ZNF285: variants seen among roughly 807,000 people sequenced by gnomAD.
ZNF285 encodes zinc finger protein 285A.
Under a neutral mutation model 6.2 loss-of-function variants are expected in ZNF285, and 4 were observed. The observed-to-expected ratio is 0.65, with a 90% CI of 0.32 to 1.49. The LOEUF is 1.49. Ranked by LOEUF, ZNF285 falls within the 40% of genes most tolerant of loss-of-function variation. The probability of loss-of-function intolerance (pLI) is 0.07; values close to 1 mark genes in which losing one functional copy is unlikely to be tolerated. For missense variants in ZNF285, 695 were observed against 708.8 expected (o/e 0.98, Z 0.22); for synonymous variants, 240 against 245.8 (o/e 0.98, Z 0.22).
chr19:44,399,942 C>T (rs1168614020), intron 1 of ZNF285, among the ~76,000 whole-genome samples: 6 of 151,458 alleles, frequency 4.0e-5, no homozygotes, highest in Non-Finnish European at 1.5e-5. Flanking sequence ...AAACTATGAC[C>T]TGTTGTTTAG....
rs951767118 is a variant in ZNF285, at chr19:44,387,532, C to G, written c.713G>C (p.Gly238Ala). The change falls in exon 4 of 4, where the codon GGG becomes GCG. Residue 238 changes from glycine to alanine, a missense_variant. Physicochemically the swap from Gly to Ala is moderately conservative, Grantham distance 60. Coordinates refer to ENST00000614994, the MANE Select transcript of ZNF285 (RefSeq NM_152354.6). The stretch of plus-strand genomic sequence containing the variant: ...ATCTGTATCATCTGCAAAGGCCACC[C>G]CACAGTTATTACATGGGAAAGGCTG... The part of the protein sequence containing the change: ...LPQPFPCNNC[G>A]VAFADDTDPH... 1.2e-6 allele frequency: 2 copies of G among 1,613,812 alleles called. No individual in the cohort carries two copies. Among genetic ancestry groups the G allele is most frequent in the African/African-American group, 2.7e-5 (2 of 74,896 alleles).
intron 2 of ZNF285, among the ~76,000 whole-genome samples, chr19:44,393,798 T>C (rs1396009537): frequency 1.3e-5 from 2 of 152,112 alleles, no homozygotes; most frequent in Non-Finnish European, 2.9e-5. Flanking sequence ...AGGGACACTT[T>C]TACACTGCTG....
chr19:44,388,395 T>C (rs1466516422), intron 3 of ZNF285, among the ~76,000 whole-genome samples: 1 of 148,554 alleles, frequency 6.7e-6, no homozygotes, highest in African/African-American at 2.6e-5. Context: ...GGCTGGGCAA[T>C]ATAATGAGAT....
Position 44,386,872 on chromosome 19 carries a change from C to A in ZNF285, c.1373G>T (p.Cys458Phe). ...CGCAAAATCCTTTCCACACACATTG[C>A]ATTTGTATGGTTTCTCCCCTGTGTG... ...RVHTGEKPYK[C>F]NVCGKDFAYS... Residue 458 changes from cysteine (C) to phenylalanine (F), a missense_variant, in exon 4 of 4, where the codon TGC (cysteine) becomes TTC (phenylalanine). Cys to Phe is a radical substitution (Grantham distance 205). Transcript: ENST00000614994. 6.2e-7 allele frequency: 1 copy of A among 1,614,216 alleles called. No homozygotes were observed. Among genetic ancestry groups the A allele is most frequent in the Non-Finnish European group, 8.5e-7 (1 of 1,180,050 alleles).
At chr19:44,390,562 C>A (rs2123271419) in intron 3 of ZNF285, among the ~76,000 whole-genome samples, 1 of 152,206 alleles carries the variant, frequency 6.6e-6, no homozygotes, top group African/African-American at 2.4e-5. Flanking sequence ...TGGCTTGTCT[C>A]CGATGAGACA....
chr19:44,393,948 T>G (rs1382078599), intron 2 of ZNF285, among the ~76,000 whole-genome samples: 2 of 151,944 alleles, frequency 1.3e-5, no homozygotes, highest in East Asian at 1.9e-4. Context: ...CTGCTATAAA[T>G]ACACATGCAC....
Position 44,399,018 on chromosome 19 carries a change from A to G in ZNF285, c.-43-1762T>C, listed in dbSNP as rs538599509. Among the ~76,000 whole-genome samples, 5 of 152,240 alleles carry G rather than the reference A, an allele frequency of 3.3e-5. No homozygotes were observed. The South Asian group carries it at 6.2e-4, about 19-fold the overall frequency. ...TTAGAAGGTATGCAAATTAAAGCCC[A>G]ATTGTTATTATTATGTTAATCAATA... is the stretch of plus-strand genomic sequence containing the variant. On this transcript the variant is annotated intron_variant, in intron 1 of 3. Coordinates refer to ENST00000614994, the MANE Select transcript of ZNF285 (RefSeq NM_152354.6).
intron 1 of ZNF285, among the ~76,000 whole-genome samples, chr19:44,399,323 T>C (rs1173523758): frequency 8.4e-5 from 12 of 142,914 alleles, no homozygotes; most frequent in Non-Finnish European, 1.8e-4. Flanking sequence ...AATTACATCG[T>C]TTTACAATAG....
chr19:44,392,653 T>C, intron 2 of ZNF285, 187 bp from the exon 3 acceptor site: 1 of 1,156,850 alleles, frequency 8.6e-7, no homozygotes, highest in Non-Finnish European at 1.2e-6. Flanking sequence ...AGGTTTCTTC[T>C]CTTGGCTTGC....
At chr19:44,391,990 C>T (rs542059781) in intron 3 of ZNF285, among the ~76,000 whole-genome samples, 1 of 152,160 alleles carries the variant, frequency 6.6e-6, no homozygotes, top group African/African-American at 2.4e-5. Context: ...CCAGAAGCAA[C>T]CAATAGATCA....
rs79240579 is a variant in ZNF285 at position 44,387,923 on chromosome 19, T to A, written c.322A>T (p.Ser108Cys). ...AGAGAAATGCCTGCCCACTCTTCACTGAGGGAAACATCTTCTAAATGTGGG... is the reference window on the plus strand; with the variant it reads ...AGAGAAATGCCTGCCCACTCTTCACAGAGGGAAACATCTTCTAAATGTGGG... ...CSPHLEDVSL[S>C]EEWAGISLQI... The change falls in exon 4 of 4, where the codon AGT becomes TGT. Residue 108 changes from serine to cysteine, a missense_variant. Transcript: ENST00000614994. 6.2e-7 allele frequency: 1 copy of A among 1,614,106 alleles called. No individual in the cohort carries two copies. Among genetic ancestry groups the A allele is most frequent in the Non-Finnish European group, 8.5e-7 (1 of 1,179,958 alleles).
rs1421988897 is a variant in ZNF285 at position 44,385,333 on chromosome 19, A to T, written c.*1139T>A. On this transcript the variant is annotated 3_prime_UTR_variant, in exon 4 of 4. Coordinates refer to ENST00000614994, the MANE Select transcript of ZNF285 (RefSeq NM_152354.6). ...TCCCACATTATAGAGTTTCTCTATT[A>T]TATGAGATTTCTTACGTCGGTGGGT... 6.6e-6 allele frequency: 1 copy of T among 152,222 alleles called. No homozygotes were observed. Among genetic ancestry groups the T allele is most frequent in the African/African-American group, 2.4e-5 (1 of 41,458 alleles). 9.4% of individuals were successfully genotyped at this position (152,222 alleles called of 1,614,324 possible).
Position 44,387,844 on chromosome 19 carries a change from T to A in ZNF285, c.401A>T (p.Asp134Val). ...YVVNAIIKNQ[D>V]ITAWQSLTQV... ...TGTCAGGCTTTGCCATGCTGTGATA[T>A]CTTGATTTTTGATAATGGCATTTAC... The change falls in exon 4 of 4, where the codon GAT (aspartate) becomes GTT (valine). Residue 134 changes from aspartate to valine, a missense_variant. By Grantham distance (152) the Asp-to-Val change is radical. Transcript: ENST00000614994. 1 of 1,613,972 alleles carries A rather than the reference T, an allele frequency of 6.2e-7. No individual in the cohort carries two copies. The highest frequency in any genetic ancestry group is 8.5e-7 in the Non-Finnish European group (1 of 1,179,870).
rs1244740440 is a variant in ZNF285 at position 44,385,180 on chromosome 19, A to C, written c.*1292T>G. 2 of 152,188 alleles carry C rather than the reference A, an allele frequency of 1.3e-5. No individual in the cohort carries two copies. Among genetic ancestry groups the C allele is most frequent in the Non-Finnish European group, 2.9e-5 (2 of 68,038 alleles). 9.4% of individuals were successfully genotyped at this position (152,188 alleles called of 1,614,324 possible). The stretch of plus-strand genomic sequence containing the variant: ...CTGCAATGAACACTGTTGGTTTTTT[A>C]CATGTTGTTGGTCACTTTAGTAAAT... On this transcript the variant is annotated 3_prime_UTR_variant, in exon 4 of 4. Transcript: ENST00000614994.
chr19:44,391,697 T>A (rs1971199165), intron 3 of ZNF285, among the ~76,000 whole-genome samples: 2 of 152,110 alleles, frequency 1.3e-5, no homozygotes, highest in Admixed American at 1.3e-4. Context: ...ATGGGAATTA[T>A]AGGAGCTACA....
rs767865868 is a variant in ZNF285 at position 44,386,545 on chromosome 19, T to C, written c.1700A>G (p.Gln567Arg). Residue 567 changes from glutamine (Q) to arginine (R), a missense_variant, in exon 4 of 4, where the codon CAG becomes CGG. Coordinates refer to ENST00000614994, the MANE Select transcript of ZNF285 (RefSeq NM_152354.6). ...AHQRVHIDETQYTHCERGKDL... is the reference protein window; with the variant it reads ...AHQRVHIDETRYTHCERGKDL... ...CTTTCCACGCTCACAGTGTGTGTAC[T>C]GTGTCTCATCTATATGCACTCTCTG... 1 of 1,614,182 alleles carries C rather than the reference T, an allele frequency of 6.2e-7. No homozygotes were observed. Among genetic ancestry groups the C allele is most frequent in the Non-Finnish European group, 8.5e-7 (1 of 1,179,986 alleles).
Position 44,387,991 on chromosome 19 carries a change from G to A in ZNF285, c.254C>T (p.Thr85Ile). The change falls in exon 4 of 4, where the codon ACT becomes ATT. Residue 85 changes from threonine (T) to isoleucine (I), a missense_variant. By Grantham distance (89) the Thr-to-Ile change is moderately conservative. Transcript: ENST00000614994. ...QIWKQRIRDL[T>I]VSQDYIVNLQ... ...GTTCACGATATAATCCTGACTCACA[G>A]TTAAATCCCGGATCCTTTGTTTCCA... 1 of 1,614,184 alleles carries A rather than the reference G, an allele frequency of 6.2e-7. No homozygotes were observed. The highest frequency in any genetic ancestry group is 8.5e-7 in the Non-Finnish European group (1 of 1,180,022).
chr19:44,390,254 C>G (rs1971171007), intron 3 of ZNF285, among the ~76,000 whole-genome samples: 1 of 152,136 alleles, frequency 6.6e-6, no homozygotes, highest in Non-Finnish European at 1.5e-5. Flanking sequence ...TGAAAGCAGC[C>G]AGAAGGGAGG....
At chr19:44,391,954 C>T (rs545755170) in intron 3 of ZNF285, among the ~76,000 whole-genome samples, 3 of 152,218 alleles carry the variant, frequency 2.0e-5, no homozygotes, top group East Asian at 3.9e-4. Flanking sequence ...TTATCCAAAA[C>T]ATTGGATAAA....
Sources: allele counts gnomAD v4.1 joint callset (sites outside exome capture counted in the v4.1 genomes callset), GRCh38; gene constraint gnomAD v4.1.1; transcripts MANE v1.5; gene names NCBI Gene and HGNC (gene_info 2026-07-23, HGNC 2026-07-21).